KNTC1: variants seen among roughly 807,000 people sequenced by gnomAD.
KNTC1 encodes kinetochore associated 1, also known as kinetochore-associated protein 1.
A neutral mutation model predicts 314.4 loss-of-function variants in KNTC1; 253 were observed. The observed-to-expected ratio is 0.80, with a 90% confidence interval of 0.73 to 0.89. The LOEUF is 0.89. KNTC1 is among the 40% of genes least tolerant of loss of function. KNTC1 has a pLI of 0.00. For missense variants in KNTC1, 2,475 were observed against 2,572.9 expected, an observed-to-expected ratio of 0.96 and a Z score of 0.82; for synonymous variants, 901 against 901.4, an observed-to-expected ratio of 1.00 and a Z score of 0.01.
At chr12:122,547,771 A>T (rs1456263201) in intron 11 of KNTC1, 144 bp from the exon 12 acceptor site, 12 of 611,798 alleles carry the variant, frequency 2.0e-5, no homozygotes, top group Admixed American at 9.9e-5. Context: ...AGTGTCTATT[A>T]CATTTTATTT....
At chr12:122,541,611 T>G (rs1962345569) in intron 5 of KNTC1, among the ~76,000 whole-genome samples, 1 of 151,636 alleles carries the variant, frequency 6.6e-6, no homozygotes. Context: ...TCCCAAAGTG[T>G]TGGCATTACA....
intron 24 of KNTC1, among the ~76,000 whole-genome samples, chr12:122,572,286 T>C (rs1042567580): frequency 6.6e-6 from 1 of 151,946 alleles, no homozygotes; most frequent in Non-Finnish European, 1.5e-5. Context: ...TCCTAGCTAT[T>C]TGAGAGCCTG....
intron 36 of KNTC1, among the ~76,000 whole-genome samples, chr12:122,585,217 T>C (rs1440281750): frequency 1.3e-5 from 2 of 152,230 alleles, no homozygotes; most frequent in East Asian, 3.9e-4. Context: ...AAAAAATTTT[T>C]TTTTTGCAGA....
At chr12:122,595,375 T>TAA in intron 43 of KNTC1, among the ~76,000 whole-genome samples, 1 of 152,362 alleles carries the variant, frequency 6.6e-6, no homozygotes, top group East Asian at 1.9e-4. Flanking sequence ...TGCCAGTTGA[T>TAA]ATATGAGAAA....
rs920414911 is a variant in KNTC1, at chr12:122,538,398, A to G, written c.310A>G (p.Arg104Gly). The change falls in exon 4 of 64, where the codon AGA (arginine) becomes GGA (glycine). Residue 104 changes from arginine to glycine, a missense_variant. Transcript: ENST00000333479. The stretch of plus-strand genomic sequence containing the variant: ...AGGAAAGTTTCTTTTGGTTGGCGAG[A>G]GAAGTGGCAACCTACATCTTATTCA... ...QEGKFLLVGE[R>G]SGNLHLIHVT... The G allele has an allele frequency of 6.2e-7, 1 of 1,606,602 alleles. No homozygotes were observed. Among genetic ancestry groups the G allele is most frequent in the African/African-American group, 1.3e-5 (1 of 74,864 alleles).
intron 40 of KNTC1, among the ~76,000 whole-genome samples, chr12:122,589,776 ATT>A (rs375169727): frequency 1.9e-4 from 18 of 94,572 alleles, no homozygotes; most frequent in African/African-American, 3.9e-4. Context: ...GGGCCCCCCA[ATT>A]TTTTTTTTTT....
rs1172774224 is a variant in KNTC1 at position 122,601,607 on chromosome 12, C to G, written c.4635C>G (p.Thr1545=). 1 of 1,526,624 alleles carries G rather than the reference C, an allele frequency of 6.6e-7. No homozygotes were observed. Among genetic ancestry groups the G allele is most frequent in the East Asian group, 2.5e-5 (1 of 40,008 alleles). The allele number at this position is 1,526,624 out of a possible 1,614,324, so 94.6% of individuals were successfully genotyped here. Residue 1545 remains threonine (T), a synonymous_variant, in exon 45 of 64, where the codon ACC becomes ACG. Transcript: ENST00000333479. ...KVIERADEKI[T]NININQALSI... ...TAGAACGAGCTGATGAAAAGATAAC[C>G]AATATTAATATTAATCAGGTATAAC...
chr12:122,538,669 C>T (rs1318704507), intron 4 of KNTC1, among the ~76,000 whole-genome samples: 3 of 152,030 alleles, frequency 2.0e-5, no homozygotes, highest in Non-Finnish European at 4.4e-5. Context: ...GAAATTTTCC[C>T]AGGGAATGTT....
At chr12:122,578,999 A>G (rs1055429808) in intron 31 of KNTC1, among the ~76,000 whole-genome samples, 1 of 145,328 alleles carries the variant, frequency 6.9e-6, no homozygotes, top group Non-Finnish European at 1.5e-5. Context: ...CCTCAGCTCA[A>G]ACTGTCTAAT....
At position 122,590,782 on chromosome 12, in the gene KNTC1, T is replaced by TG. The variant is rs753507538; in HGVS notation, c.4128+54dup. ...CTTCAATTCTTGAAGTATTCAAGAT[T>TG]GGGGGGGAGAAATGAAGTTGGTTTT... On this transcript the variant is annotated intron_variant, in intron 41 of 63. Transcript: ENST00000333479. 157 of 1,564,892 alleles carry TG rather than the reference T, an allele frequency of 1.0e-4. 1 individual carries two copies. In the East Asian group the frequency reaches 1.2e-3, roughly 12 times the overall value.
At chr12:122,587,938 G>C (rs1869610393) in intron 39 of KNTC1, 64 bp downstream of exon 39, 1 of 1,356,306 alleles carries the variant, frequency 7.4e-7, no homozygotes, top group African/African-American at 1.5e-5. Context: ...GCTAACAGAG[G>C]AATTTGGAGT....
rs1172808791 is a variant in KNTC1 at position 122,597,679 on chromosome 12, A to G, written c.4356-52A>G. On this transcript the variant is annotated intron_variant, in intron 43 of 63. Transcript: ENST00000333479. ...CCAAGTGTTTTGTCAGATACTTTGC[A>G]TGGAAATGCCTGCAGTTTGGGAGAC... is the stretch of plus-strand genomic sequence containing the variant. 3.4e-6 allele frequency: 5 copies of G among 1,465,430 alleles called. No homozygotes were observed. In the African/African-American group the frequency reaches 5.6e-5, roughly 16 times the overall value. The allele number at this position is 1,465,430 out of a possible 1,614,324, so 90.8% of individuals were successfully genotyped here.
Position 122,547,920 on chromosome 12 carries a change from G to A in KNTC1, c.938G>A (p.Gly313Glu), listed in dbSNP as rs1465273348. 2.6e-6 allele frequency: 4 copies of A among 1,531,508 alleles called. No individual in the cohort carries two copies. The East Asian group carries it at 9.3e-5, about 35-fold the overall frequency. The allele number at this position is 1,531,508 out of a possible 1,614,324, so 94.9% of individuals were successfully genotyped here. ...AAGGTTCTTTTCTCTTTTAGGCAAG[G>A]AATTACAAATCTCAAATTAATAGCT... ...ADSPSSVTWQ[G>E]ITNLKLIALT... The change falls in exon 12 of 64, where the codon GGA (glycine) becomes GAA (glutamate). Residue 313 changes from glycine (G) to glutamate (E), a missense_variant. Physicochemically the swap from Gly to Glu is moderately conservative, Grantham distance 98 (BLOSUM62 -2). Transcript: ENST00000333479.
rs1300743167 is a variant in KNTC1 at position 122,602,776 on chromosome 12, A to C, written c.4825+36A>C. 3.7e-6 allele frequency: 6 copies of C among 1,611,234 alleles called. 1 individual carries two copies. In the Admixed American group the frequency reaches 1.0e-4, roughly 27 times the overall value. ...ATTAACTTTTTATGAATTTTACTGG[A>C]TAGCCAAATTTTTTTTCTTAAGCAA... On this transcript the variant is annotated intron_variant, in intron 46 of 63. Coordinates refer to ENST00000333479, the MANE Select transcript of KNTC1 (RefSeq NM_014708.6).
At chr12:122,622,341 C>A in intron 61 of KNTC1, 121 bp from the exon 62 acceptor site, 1 of 929,590 alleles carries the variant, frequency 1.1e-6, no homozygotes, top group Non-Finnish European at 1.6e-6. Flanking sequence ...GCTAATTGGG[C>A]TTCCGATTGT....
chr12:122,551,285 T>C (rs1963178502), intron 13 of KNTC1, 34 bp from the exon 14 acceptor site: 1 of 1,354,506 alleles, frequency 7.4e-7, no homozygotes, highest in Non-Finnish European at 1.0e-6. Context: ...TGCTCTTATA[T>C]TGGAATTTTA....
intron 16 of KNTC1, among the ~76,000 whole-genome samples, chr12:122,555,570 C>T (rs78150237): frequency 0.036 from 5,336 of 148,962 alleles, 339 homozygotes; most frequent in African/African-American, 0.13. Flanking sequence ...AAAAGAAGGG[C>T]CGGGCGCGGT....
chr12:122,601,696 T>G, intron 45 of KNTC1, 71 bp downstream of exon 45: 1 of 1,300,556 alleles, frequency 7.7e-7, no homozygotes, highest in Non-Finnish European at 9.9e-7. Flanking sequence ...CATATCATTA[T>G]CCAGGGCCTT....
At chr12:122,604,458 T>C in intron 48 of KNTC1, 106 bp from the exon 49 acceptor site, 1 of 599,334 alleles carries the variant, frequency 1.7e-6, no homozygotes, top group Non-Finnish European at 2.8e-6. Context: ...TGAGTATGCA[T>C]TTTTGTAATT....
Sources: gnomAD v4.1 joint callset for allele counts (sites outside exome capture counted in the v4.1 genomes callset) on GRCh38, gnomAD v4.1.1 for gene constraint, MANE v1.5 for transcripts, NCBI Gene and HGNC (gene_info 2026-07-23, HGNC 2026-07-21) for gene names.